Variants in CEP250 observed in about 807,000 individuals in gnomAD.
CEP250 encodes centrosome-associated protein CEP250.
A neutral mutation model predicts 315.7 loss-of-function variants in CEP250; 242 were observed. That is an observed-to-expected ratio of 0.77 (90% confidence interval 0.69 to 0.85). The LOEUF is 0.85. CEP250 is among the 40% of genes least tolerant of loss of function. The pLI, the probability that CEP250 is intolerant of heterozygous loss-of-function variation, is 0.00. For synonymous variants in CEP250, 1,088 were observed against 1,175.0 expected, an observed-to-expected ratio of 0.93 and a Z score of 1.51; for missense variants, 2,515 against 2,886.4, an observed-to-expected ratio of 0.87 and a Z score of 2.95.
chr20:35,479,500 A>G (rs1003971455), intron 18 of CEP250, 76 bp downstream of exon 18: 9 of 1,543,680 alleles, frequency 5.8e-6, no homozygotes, highest in East Asian at 4.5e-5. Context: ...GCTCCCTGCC[A>G]TAAGTATGCA....
chr20:35,507,044 C>A (rs1436179935), intron 30 of CEP250, among the ~76,000 whole-genome samples: 1 of 152,192 alleles, frequency 6.6e-6, no homozygotes, highest in Non-Finnish European at 1.5e-5. Flanking sequence ...CTCAAAAAAA[C>A]AAACTCATAA....
In CEP250 at chr20:35,505,014, C is replaced by G; in HGVS notation, c.6636+9C>G. The G allele has an allele frequency of 6.3e-7, 1 of 1,589,162 alleles. No individual in the cohort carries two copies. Among genetic ancestry groups the G allele is most frequent in the Non-Finnish European group, 8.6e-7 (1 of 1,165,116 alleles). On this transcript the variant is annotated intron_variant, in intron 30 of 34. Transcript: ENST00000397527. ...AACAGCAAAGGCTGCAGGTAAGTCACTCCATGGGGAGTAAGGGCCAGGGGA... is the reference window on the plus strand; with the variant it reads ...AACAGCAAAGGCTGCAGGTAAGTCAGTCCATGGGGAGTAAGGGCCAGGGGA...
In CEP250 at chr20:35,510,070, T is replaced by C; in HGVS notation, c.7065+16T>C. On this transcript the variant is annotated intron_variant, in intron 34 of 34. Coordinates refer to ENST00000397527, the MANE Select transcript of CEP250 (RefSeq NM_007186.6). ...GCAGAAAGAGGTATGTTCTGGATTT[T>C]CTAAGCCCATATTCCCTCCCTTGCA... is the stretch of plus-strand genomic sequence containing the variant. The C allele has an allele frequency of 6.2e-7, 1 of 1,613,268 alleles. No individual in the cohort carries two copies.
At position 35,502,389 on chromosome 20, in the gene CEP250, G is replaced by A; in HGVS notation, c.4021-1G>A. On this transcript the variant is annotated splice_acceptor_variant, in intron 29 of 34. Coordinates refer to ENST00000397527, the MANE Select transcript of CEP250 (RefSeq NM_007186.6). LOFTEE classifies it high-confidence loss of function. ...AAGTGGCTTTTCATCTTGTCTTCTA[G>A]GGTGAGCGAGAGTTACTTCAGGCAG... is the stretch of plus-strand genomic sequence containing the variant. 2 of 1,610,888 alleles carry A rather than the reference G, an allele frequency of 1.2e-6. No homozygotes were observed. Among genetic ancestry groups the A allele is most frequent in the Non-Finnish European group, 1.7e-6 (2 of 1,178,380 alleles).
At chr20:35,465,718 T>G (rs748785776) in intron 5 of CEP250, 25 bp from the exon 6 acceptor site, 9 of 1,549,458 alleles carry the variant, frequency 5.8e-6, no homozygotes, top group Non-Finnish European at 7.9e-6. Flanking sequence ...TGGAGGTAAG[T>G]AAGGCTTGTC....
chr20:35,504,311 A>T lies in CEP250; in HGVS notation c.5942A>T (p.Glu1981Val). The change falls in exon 30 of 35, where the codon GAG becomes GTG. Residue 1981 changes from glutamate (E) to valine (V), a missense_variant. Physicochemically the swap from Glu to Val is moderately radical, Grantham distance 121. Coordinates refer to ENST00000397527, the MANE Select transcript of CEP250 (RefSeq NM_007186.6). The part of the protein sequence containing the change: ...GKAHAALQGK[E>V]QHLLEQAELS... ...GCTCATGCTGCCCTGCAGGGGAAAG[A>T]GCAGCATCTCCTCGAGCAGGCAGAA... is the stretch of plus-strand genomic sequence containing the variant. 6.3e-7 allele frequency: 1 copy of T among 1,589,684 alleles called. No homozygotes were observed. Among genetic ancestry groups the T allele is most frequent in the Middle Eastern group, 1.7e-4 (1 of 6,014 alleles).
At chr20:35,495,733 G>A (rs1175895234) in intron 24 of CEP250, among the ~76,000 whole-genome samples, 2 of 152,084 alleles carry the variant, frequency 1.3e-5, no homozygotes, top group East Asian at 3.9e-4. Flanking sequence ...CTCGGTGACA[G>A]AACGAGACTC....
intron 30 of CEP250, 135 bp from the exon 31 acceptor site, chr20:35,507,603 G>A (rs2064223297): frequency 1.4e-6 from 1 of 717,780 alleles, no homozygotes; most frequent in Admixed American, 2.4e-5. Context: ...TTCTGTACTA[G>A]AATGACTCAG....
At chr20:35,472,266 T>C (rs1601153660) in intron 11 of CEP250, 115 bp downstream of exon 11, 1 of 696,938 alleles carries the variant, frequency 1.4e-6, no homozygotes, top group East Asian at 2.6e-5. Flanking sequence ...GCTTAAAGTC[T>C]TGTGGGGATG....
At chr20:35,488,728 T>C (rs1194480483) in intron 20 of CEP250, among the ~76,000 whole-genome samples, 2 of 152,036 alleles carry the variant, frequency 1.3e-5, no homozygotes, top group African/African-American at 4.8e-5. Flanking sequence ...CCTCGCAAAA[T>C]GTTGGGATAA....
At position 35,516,967 on chromosome 20, in the gene CEP250, A is replaced by C; in HGVS notation, c.*5341A>C. On this transcript the variant is annotated 3_prime_UTR_variant, in exon 35 of 35. Coordinates refer to ENST00000397527, the MANE Select transcript of CEP250 (RefSeq NM_007186.6). ...CTCAAACCCCCCCATTGAAGGCTAC[A>C]TTCTTGTCCCACAGGGCAGAGCACA... The C allele has an allele frequency of 1.0e-6, 1 of 985,542 alleles. No individual in the cohort carries two copies. The highest frequency in any genetic ancestry group is 4.7e-5 in the South Asian group (1 of 21,290). The allele number at this position is 985,542 out of a possible 1,614,324, so 61.0% of individuals were successfully genotyped here.
rs150055052 is a variant in CEP250, at chr20:35,488,909, G to A, written c.2587-1728G>A. 2.9e-3 allele frequency among the ~76,000 whole-genome samples: 441 copies of A among 152,052 alleles called. 1 individual carries two copies. Among genetic ancestry groups the A allele is most frequent in the Non-Finnish European group, 5.1e-3 (344 of 67,948 alleles). On this transcript the variant is annotated intron_variant, in intron 20 of 34. Coordinates refer to ENST00000397527, the MANE Select transcript of CEP250 (RefSeq NM_007186.6). ...CTCTAAGGCATGAACATGTTGGCTG[G>A]GTGCAGTGGCTCACACCTGTAATCC...
chr20:35,464,625 A>G (rs575558082), intron 5 of CEP250, among the ~76,000 whole-genome samples: 1 of 152,274 alleles, frequency 6.6e-6, no homozygotes, highest in Admixed American at 6.5e-5. Context: ...TGAAAATATC[A>G]TAAGTTGAAA....
chr20:35,510,753 C>T (rs560984558), intron 34 of CEP250, among the ~76,000 whole-genome samples: 5 of 152,264 alleles, frequency 3.3e-5, no homozygotes, highest in East Asian at 1.9e-4. Context: ...CCAGCACTTT[C>T]GGAGGCCAAG....
In CEP250 at chr20:35,508,004, C is replaced by T; in HGVS notation, c.6751-31C>T. 1.9e-6 allele frequency: 3 copies of T among 1,613,716 alleles called. No individual in the cohort carries two copies. The South Asian group carries it at 3.3e-5, about 18-fold the overall frequency. ...TGTTCCCTACCTGTCTTAGGGGCTGCCCAGGTGAGATTCACAGGTCTTTCC... is the reference window on the plus strand; with the variant it reads ...TGTTCCCTACCTGTCTTAGGGGCTGTCCAGGTGAGATTCACAGGTCTTTCC... On this transcript the variant is annotated intron_variant, in intron 31 of 34. Coordinates refer to ENST00000397527, the MANE Select transcript of CEP250 (RefSeq NM_007186.6).
Position 35,511,421 on chromosome 20 carries a change from C to T in CEP250, c.7124C>T (p.Thr2375Ile). Reference protein sequence around the residue: ...LERKQKQDYITRSAQTSRELA... With the variant: ...LERKQKQDYIIRSAQTSRELA... ...CGGAAGCAGAAGCAGGACTACATCA[C>T]CCGCTCAGCACAGACCAGCCGTGAG... Residue 2375 changes from threonine (T) to isoleucine (I), a missense_variant, in exon 35 of 35, where the codon ACC becomes ATC. Physicochemically the swap from Thr to Ile is moderately conservative, Grantham distance 89. Transcript: ENST00000397527. 1.2e-6 allele frequency: 2 copies of T among 1,613,978 alleles called. No individual in the cohort carries two copies. Among genetic ancestry groups the T allele is most frequent in the East Asian group, 2.2e-5 (1 of 44,878 alleles).
rs2064050667 is a variant in CEP250 at position 35,502,815 on chromosome 20, A to G, written c.4446A>G (p.Leu1482=). 2 of 1,614,236 alleles carry G rather than the reference A, an allele frequency of 1.2e-6. No homozygotes were observed. Among genetic ancestry groups the G allele is most frequent in the Non-Finnish European group, 1.7e-6 (2 of 1,180,046 alleles). Reference sequence around the variant, plus strand: ...TGCAGCAAGAACAGATTCAGGAGCTAGAGAAGTGTAGGTCTGTTTTAGAGC... The same window carrying G: ...TGCAGCAAGAACAGATTCAGGAGCTGGAGAAGTGTAGGTCTGTTTTAGAGC... ...VDLQQEQIQE[L]EKCRSVLEHL... Residue 1482 remains leucine, a synonymous_variant, in exon 30 of 35, where the codon CTA becomes CTG. Transcript: ENST00000397527.
At position 35,518,627 on chromosome 20, in the gene CEP250, C is replaced by G. The variant is rs923462785; in HGVS notation, c.*7001C>G. On this transcript the variant is annotated 3_prime_UTR_variant, in exon 35 of 35. Transcript: ENST00000397527. ...AGTTTTTTATATATTCACTATGATT[C>G]AATCATGACAGTTGCTATTTTTGAT... 1 of 152,150 alleles carries G rather than the reference C, an allele frequency of 6.6e-6. No individual in the cohort carries two copies. Among genetic ancestry groups the G allele is most frequent in the Non-Finnish European group, 1.5e-5 (1 of 68,022 alleles). The allele number at this position is 152,150 out of a possible 1,614,324, so 9.4% of individuals were successfully genotyped here.
chr20:35,478,170 T>G (rs2063227940), intron 17 of CEP250, 69 bp downstream of exon 17: 2 of 1,003,634 alleles, frequency 2.0e-6, no homozygotes, highest in East Asian at 5.0e-5. Context: ...ATTAAAACAC[T>G]ACAGAAATTA....
Sources: allele counts gnomAD v4.1 joint callset (sites outside exome capture counted in the v4.1 genomes callset), GRCh38; gene constraint gnomAD v4.1.1; transcripts MANE v1.5; gene names NCBI Gene and HGNC (gene_info 2026-07-23, HGNC 2026-07-21).